The following CYP4Z1 variants were observed in gnomAD, a reference collection of about 807,000 sequenced individuals.
CYP4Z1 encodes cytochrome P450 family 4 subfamily Z member 1, also known as cytochrome P450 4Z1.
A neutral mutation model predicts 54.2 loss-of-function variants in CYP4Z1; 41 were observed. That is an observed-to-expected ratio of 0.76 (90% confidence interval 0.59 to 0.98). CYP4Z1 has a LOEUF of 0.98. Ranked by LOEUF, CYP4Z1 falls within the 50% of genes least tolerant of loss-of-function variation. CYP4Z1 has a pLI of 0.00. For synonymous variants in CYP4Z1, 163 were observed against 206.2 expected, an observed-to-expected ratio of 0.79 and a Z score of 1.79; for missense variants, 513 against 599.0, an observed-to-expected ratio of 0.86 and a Z score of 1.50.
intron 4 of CYP4Z1, 40 bp downstream of exon 4, chr1:47,082,501 T>A (rs1644562339): frequency 6.3e-7 from 1 of 1,581,930 alleles, no homozygotes; most frequent in Admixed American, 1.8e-5. Flanking sequence ...GCCTCTGAAG[T>A]GAGGTGCTGC....
chr1:47,088,231 CCT>C (rs2148532004), intron 6 of CYP4Z1, among the ~76,000 whole-genome samples: 1 of 152,048 alleles, frequency 6.6e-6, no homozygotes, highest in South Asian at 2.1e-4. Flanking sequence ...GGGAGGATTC[CCT>C]CTTTTTCTAT....
intron 2 of CYP4Z1, among the ~76,000 whole-genome samples, chr1:47,080,032 T>C (rs1644552103): frequency 6.6e-6 from 1 of 151,854 alleles, no homozygotes; most frequent in Non-Finnish European, 1.5e-5. Flanking sequence ...TAGATGTTCA[T>C]ATGTTTTCTC....
intron 2 of CYP4Z1, among the ~76,000 whole-genome samples, chr1:47,077,625 A>G (rs903728829): frequency 6.9e-6 from 1 of 144,922 alleles, no homozygotes; most frequent in East Asian, 2.0e-4. Flanking sequence ...TATATGTCTT[A>G]TTTTTTTTTT....
rs35258883 is a variant in CYP4Z1 at position 47,097,820 on chromosome 1, A to ATTTT, written c.877-1260_877-1257dup. Among the ~76,000 whole-genome samples the ATTTT allele has an allele frequency of 7.9e-3, 1,014 of 128,370 alleles. 30 individuals carry two copies. The highest frequency in any genetic ancestry group is 0.024 in the African/African-American group (815 of 33,906). 84.2% of individuals were successfully genotyped at this position (128,370 alleles called of 152,430 possible). On this transcript the variant is annotated intron_variant, in intron 7 of 11. Transcript: ENST00000334194. ...TCAGGCTCTTTTTCAGTTCCATATG[A>ATTTT]TTTTTTTTTTTTTTTTTGAGACTGA...
intron 8 of CYP4Z1, among the ~76,000 whole-genome samples, chr1:47,100,855 A>G (rs1296293998): frequency 6.6e-6 from 1 of 152,182 alleles, no homozygotes; most frequent in East Asian, 1.9e-4. Context: ...ACTACTGTAT[A>G]AATAATGCTT....
intron 8 of CYP4Z1, among the ~76,000 whole-genome samples, chr1:47,100,687 T>C (rs1644714922): frequency 6.6e-6 from 1 of 152,226 alleles, no homozygotes; most frequent in African/African-American, 2.4e-5. Flanking sequence ...TTATTATTAG[T>C]TATTGTTATT....
the CYP4Z1 span, among the ~76,000 whole-genome samples, chr1:47,058,392 C>T: frequency 6.6e-6 from 1 of 152,126 alleles, no homozygotes; most frequent in Admixed American, 6.6e-5. Context: ...CCCCTACACT[C>T]TGGCTAAGCT....
At chr1:47,057,335 A>AAAAT in the CYP4Z1 span, among the ~76,000 whole-genome samples, 2 of 28,490 alleles carry the variant, frequency 7.0e-5, no homozygotes, top group African/African-American at 1.8e-4. Context: ...AAGAAAAAAA[A>AAAAT]ATATATATAT....
At chr1:47,086,925 T>C (rs574029412) in intron 6 of CYP4Z1, among the ~76,000 whole-genome samples, 8 of 152,356 alleles carry the variant, frequency 5.3e-5, no homozygotes, top group Admixed American at 2.6e-4. Context: ...TAGCCAGTTT[T>C]CCCAGCACCA....
chr1:47,114,120 A>G lies in CYP4Z1; in HGVS notation c.1202-1409A>G, dbSNP rs1569762969. On this transcript the variant is annotated intron_variant, in intron 9 of 11. Coordinates refer to ENST00000334194, the MANE Select transcript of CYP4Z1 (RefSeq NM_178134.3). Reference sequence around the variant, plus strand: ...GAGATATAGATCAATGGAACAGAACAGAGCCCTCAGAAATAATGCCGCATA... The same window carrying G: ...GAGATATAGATCAATGGAACAGAACGGAGCCCTCAGAAATAATGCCGCATA... 3.3e-5 allele frequency among the ~76,000 whole-genome samples: 5 copies of G among 152,200 alleles called. No individual in the cohort carries two copies. In the South Asian group the frequency reaches 8.3e-4, roughly 25 times the overall value.
At chr1:47,057,338 ATATATATATATATATATATATAT>A in the CYP4Z1 span, among the ~76,000 whole-genome samples, 2 of 72,656 alleles carry the variant, frequency 2.8e-5, no homozygotes, top group African/African-American at 5.9e-5. Context: ...AAAAAAAAAT[ATATATATATATATATATATATAT>A]ATATATATAT....
At chr1:47,112,263 A>G (rs1353755727) in intron 9 of CYP4Z1, among the ~76,000 whole-genome samples, 1 of 152,114 alleles carries the variant, frequency 6.6e-6, no homozygotes, top group African/African-American at 2.4e-5. Context: ...AAAAACCAGG[A>G]AAAAAACTAG....
At chr1:47,107,298 G>A (rs1322742924) in intron 9 of CYP4Z1, among the ~76,000 whole-genome samples, 1 of 152,062 alleles carries the variant, frequency 6.6e-6, no homozygotes, top group Non-Finnish European at 1.5e-5. Context: ...GTGGAACTAG[G>A]ACTTGAACCC....
At chr1:47,057,335 A>AAAAAAAAAAAATATATATAT in the CYP4Z1 span, among the ~76,000 whole-genome samples, 8 of 28,482 alleles carry the variant, frequency 2.8e-4, no homozygotes, top group Non-Finnish European at 5.0e-4. Context: ...AAGAAAAAAA[A>AAAAAAAAAAAATATATATAT]ATATATATAT....
At chr1:47,059,181 T>G in the CYP4Z1 span, among the ~76,000 whole-genome samples, 1 of 152,170 alleles carries the variant, frequency 6.6e-6, no homozygotes, top group African/African-American at 2.4e-5. Context: ...GGCCAATAAA[T>G]TTTATTAACA....
intron 8 of CYP4Z1, among the ~76,000 whole-genome samples, chr1:47,101,670 A>T (rs148108845): frequency 2.8e-4 from 42 of 152,284 alleles, no homozygotes; most frequent in African/African-American, 9.6e-4. Flanking sequence ...CCTAACATAC[A>T]GTCTATACTG....
chr1:47,056,183 T>C, the CYP4Z1 span, among the ~76,000 whole-genome samples: 1 of 152,218 alleles, frequency 6.6e-6, no homozygotes, highest in African/African-American at 2.4e-5. Context: ...ATGTACCCAG[T>C]AGTCATTCAG....
intron 6 of CYP4Z1, among the ~76,000 whole-genome samples, chr1:47,090,152 A>G (rs1197778188): frequency 6.6e-6 from 1 of 152,234 alleles, no homozygotes; most frequent in Non-Finnish European, 1.5e-5. Context: ...CCTTCTCTTC[A>G]TAGCTTAAAG....
intron 7 of CYP4Z1, chr1:47,096,740 T>G (rs1014969879): frequency 6.6e-6 from 1 of 151,948 alleles, no homozygotes; most frequent in African/African-American, 2.4e-5. Flanking sequence ...ACGATTCTCC[T>G]GCCTCAGCCT....
Sources: gnomAD v4.1 joint callset for allele counts (sites outside exome capture counted in the v4.1 genomes callset) on GRCh38, gnomAD v4.1.1 for gene constraint, MANE v1.5 for transcripts, NCBI Gene and HGNC (gene_info 2026-07-23, HGNC 2026-07-21) for gene names.